BMAL2: variants seen among roughly 807,000 people sequenced by gnomAD.
The protein encoded by BMAL2 is basic helix-loop-helix ARNT-like protein 2.
chr12:27,348,410 A>T, the BMAL2 span, among the ~76,000 whole-genome samples: 3 of 152,220 alleles, frequency 2.0e-5, no homozygotes, highest in Non-Finnish European at 4.4e-5. Flanking sequence ...ATAGGGTAGT[A>T]GCAAAATTGA....
chr12:27,424,187 A>G, the BMAL2 span: 3 of 152,224 alleles, frequency 2.0e-5, no homozygotes, highest in Non-Finnish European at 4.4e-5. Context: ...GCTCTAGAAC[A>G]TTATATTAAG....
At chr12:27,419,252 CAG>C in the BMAL2 span, among the ~76,000 whole-genome samples, 1 of 152,140 alleles carries the variant, frequency 6.6e-6, no homozygotes, top group Non-Finnish European at 1.5e-5. Context: ...GCTGCTATAA[CAG>C]AATACCACAG....
chr12:27,341,837 G>A, the BMAL2 span, among the ~76,000 whole-genome samples: 2 of 152,194 alleles, frequency 1.3e-5, no homozygotes, highest in African/African-American at 4.8e-5. Flanking sequence ...GAAATCCGGT[G>A]CCCTGTGTCT....
the BMAL2 span, among the ~76,000 whole-genome samples, chr12:27,391,547 G>A: frequency 1.3e-5 from 2 of 152,186 alleles, no homozygotes; most frequent in Non-Finnish European, 2.9e-5. Flanking sequence ...TCCTTTGGGT[G>A]TATACCCAGT....
the BMAL2 span, among the ~76,000 whole-genome samples, chr12:27,413,971 G>T: frequency 6.6e-6 from 1 of 152,010 alleles, no homozygotes; most frequent in Non-Finnish European, 1.5e-5. Context: ...GTTCAAGGCT[G>T]TAGTGCACTG....
At chr12:27,356,377 G>A in the BMAL2 span, among the ~76,000 whole-genome samples, 1 of 152,120 alleles carries the variant, frequency 6.6e-6, no homozygotes, top group South Asian at 2.1e-4. Context: ...CCCACTACCT[G>A]GAGATAAAGC....
the BMAL2 span, among the ~76,000 whole-genome samples, chr12:27,362,012 C>T: frequency 6.8e-6 from 1 of 147,078 alleles, no homozygotes; most frequent in East Asian, 2.0e-4. Flanking sequence ...TCATGCTTCC[C>T]AGAATGGGAG....
chr12:27,347,415 GGAGGATC>G, the BMAL2 span, among the ~76,000 whole-genome samples: 2 of 152,168 alleles, frequency 1.3e-5, no homozygotes, highest in Admixed American at 1.3e-4. Context: ...AGGATACACA[GGAGGATC>G]TGTTAGATTT....
the BMAL2 span, among the ~76,000 whole-genome samples, chr12:27,384,683 C>T: frequency 3.9e-5 from 6 of 152,096 alleles, no homozygotes; most frequent in South Asian, 2.1e-4. Flanking sequence ...TAAAGTTTAA[C>T]TTATAAATCA....
chr12:27,391,284 C>T, the BMAL2 span, among the ~76,000 whole-genome samples: 1 of 152,118 alleles, frequency 6.6e-6, no homozygotes, highest in African/African-American at 2.4e-5. Flanking sequence ...TAAGTGGGAA[C>T]ATGTGGTATT....
chr12:27,338,565 A>T, the BMAL2 span, among the ~76,000 whole-genome samples: 1 of 152,184 alleles, frequency 6.6e-6, no homozygotes, highest in African/African-American at 2.4e-5. Context: ...AATTGATGTT[A>T]GTATCCTTTG....
At chr12:27,397,531 A>C in the BMAL2 span, among the ~76,000 whole-genome samples, 1 of 152,236 alleles carries the variant, frequency 6.6e-6, no homozygotes, top group African/African-American at 2.4e-5. Context: ...TTTAAGATTT[A>C]TGGAAAGGCC....
At chr12:27,335,702 T>C in the BMAL2 span, among the ~76,000 whole-genome samples, 1 of 148,734 alleles carries the variant, frequency 6.7e-6, no homozygotes, top group Admixed American at 6.7e-5. Flanking sequence ...GGGAGGAAAA[T>C]AGAGAAGGAA....
the BMAL2 span, among the ~76,000 whole-genome samples, chr12:27,398,029 T>C: frequency 2.6e-5 from 4 of 152,258 alleles, no homozygotes; most frequent in African/African-American, 7.2e-5. Context: ...CAGTTCTGCC[T>C]GTGGCTCCAG....
chr12:27,370,247 C>G, the BMAL2 span: 1 of 1,560,536 alleles, frequency 6.4e-7, no homozygotes, highest in East Asian at 2.2e-5. Flanking sequence ...CCTGGACTGT[C>G]TTTGACATAC....
chr12:27,365,769 G>A, the BMAL2 span, among the ~76,000 whole-genome samples: 6 of 149,342 alleles, frequency 4.0e-5, no homozygotes, highest in African/African-American at 1.5e-4. Context: ...CCATAAAGTT[G>A]TTAGAGTTTA....
At chr12:27,401,688 T>C in the BMAL2 span, 1 of 1,548,964 alleles carries the variant, frequency 6.5e-7, no homozygotes. Context: ...AGTAATTTTT[T>C]ATGTTAAGAC....
chr12:27,381,283 G>A, the BMAL2 span, among the ~76,000 whole-genome samples: 1 of 152,156 alleles, frequency 6.6e-6, no homozygotes, highest in Admixed American at 6.5e-5. Flanking sequence ...GTGTACCTGT[G>A]TATTAGTCCA....
At chr12:27,355,566 A>G in the BMAL2 span, among the ~76,000 whole-genome samples, 1 of 152,138 alleles carries the variant, frequency 6.6e-6, no homozygotes, top group African/African-American at 2.4e-5. Flanking sequence ...ATGATGTGAT[A>G]GACACCACTT....
Sources: gnomAD v4.1 joint callset for allele counts (sites outside exome capture counted in the v4.1 genomes callset) on GRCh38, gnomAD v4.1.1 for gene constraint, MANE v1.5 for transcripts, NCBI Gene and HGNC (gene_info 2026-07-23, HGNC 2026-07-21) for gene names.